The following CELF4 variants were observed in gnomAD, a reference collection of about 807,000 sequenced individuals.
CELF4 encodes the protein CUG-BP- and ETR-3-like factor 4.
CELF4 carries 18 observed loss-of-function variants against 59.9 expected under a neutral mutation model. The observed-to-expected ratio is 0.30, with a 90% CI of 0.21 to 0.45. The LOEUF is 0.45. CELF4 is among the 20% of genes least tolerant of loss of function. The pLI is 1.00. For missense variants in CELF4, 456 were observed against 689.0 expected (o/e 0.66, Z 3.79); for synonymous variants, 261 against 267.1 (o/e 0.98, Z 0.22).
chr18:37,310,213 G>A (rs1204874574), intron 3 of CELF4, among the ~76,000 whole-genome samples: 1 of 152,052 alleles, frequency 6.6e-6, no homozygotes, highest in African/African-American at 2.4e-5. Context: ...CAGCTCTCGG[G>A]GCAAGACAGC....
At chr18:37,368,529 T>G (rs1209045821) in intron 2 of CELF4, among the ~76,000 whole-genome samples, 1 of 152,230 alleles carries the variant, frequency 6.6e-6, no homozygotes, top group African/African-American at 2.4e-5. Flanking sequence ...CCGTCTTGTC[T>G]GCTGCTGTCT....
At chr18:37,271,254 CTTTTTTTTTT>C (rs34833771) in intron 7 of CELF4, among the ~76,000 whole-genome samples, 7 of 105,558 alleles carry the variant, frequency 6.6e-5, no homozygotes, top group East Asian at 2.7e-4. Flanking sequence ...TCCTTCAGTC[CTTTTTTTTTT>C]TTTTTTTTTT....
intron 3 of CELF4, among the ~76,000 whole-genome samples, chr18:37,315,832 T>G (rs548341621): frequency 1.3e-5 from 2 of 152,310 alleles, no homozygotes; most frequent in South Asian, 4.1e-4. Flanking sequence ...CTGCTGATCC[T>G]CTTCGGCCCA....
At chr18:37,264,513 C>T (rs2076459706) in intron 10 of CELF4, among the ~76,000 whole-genome samples, 161 bp downstream of exon 10, 2 of 152,354 alleles carry the variant, frequency 1.3e-5, no homozygotes, top group South Asian at 2.1e-4. Flanking sequence ...AGTTGGAGAG[C>T]GCCACTCCTC....
At chr18:37,293,565 T>C (rs766450287) in intron 3 of CELF4, among the ~76,000 whole-genome samples, 1 of 152,190 alleles carries the variant, frequency 6.6e-6, no homozygotes, top group Non-Finnish European at 1.5e-5. Flanking sequence ...TGTTCACAGG[T>C]TCTGGGTGGA....
chr18:37,360,054 T>C (rs563261326), intron 2 of CELF4, among the ~76,000 whole-genome samples: 4 of 151,480 alleles, frequency 2.6e-5, no homozygotes, highest in Admixed American at 2.0e-4. Flanking sequence ...GGTTTCACCA[T>C]GTTGGCCAGA....
chr18:37,258,916 G>T, intron 11 of CELF4: 1 of 538,078 alleles, frequency 1.9e-6, no homozygotes, highest in Non-Finnish European at 3.3e-6. Flanking sequence ...TGGGAGATGG[G>T]GAGCCAGGTT....
intron 2 of CELF4, among the ~76,000 whole-genome samples, chr18:37,453,951 C>T (rs1403503688): frequency 1.3e-5 from 2 of 152,140 alleles, no homozygotes; most frequent in East Asian, 3.9e-4. Flanking sequence ...CACCCCCGTC[C>T]TGTTTGATCT....
intron 2 of CELF4, among the ~76,000 whole-genome samples, chr18:37,414,106 G>A (rs1304356061): frequency 6.6e-6 from 1 of 152,122 alleles, no homozygotes; most frequent in Admixed American, 6.5e-5. Flanking sequence ...TAACCATGAA[G>A]GCAGGGCAGG....
Position 37,248,164 on chromosome 18 carries a change from G to A in CELF4, c.*45-2967C>T, listed in dbSNP as rs896464882. Among the ~76,000 whole-genome samples the A allele has an allele frequency of 8.8e-5, 13 of 148,366 alleles. No homozygotes were observed. In the East Asian group the frequency reaches 1.3e-3, roughly 15 times the overall value. ...ACTGTGGAGGTTATGGCCCTCCCCC[G>A]TTTCTGCTCCACCTCAAATTACTTT... On this transcript the variant is annotated intron_variant, in intron 12 of 12. Coordinates refer to ENST00000420428, the MANE Select transcript of CELF4 (RefSeq NM_020180.4).
At chr18:37,345,163 G>T (rs1401395791) in intron 2 of CELF4, among the ~76,000 whole-genome samples, 1 of 152,150 alleles carries the variant, frequency 6.6e-6, no homozygotes, top group Non-Finnish European at 1.5e-5. Flanking sequence ...CTATAAGGAT[G>T]GGTTTAATTA....
chr18:37,421,383 T>A (rs2099577050), intron 2 of CELF4, among the ~76,000 whole-genome samples: 1 of 152,212 alleles, frequency 6.6e-6, no homozygotes, highest in Non-Finnish European at 1.5e-5. Context: ...TGCAGCCTCC[T>A]TAAACACAGG....
intron 2 of CELF4, among the ~76,000 whole-genome samples, chr18:37,424,046 T>C (rs771010816): frequency 6.6e-6 from 1 of 151,964 alleles, no homozygotes; most frequent in Admixed American, 6.6e-5. Flanking sequence ...TCCTGCTCCA[T>C]GCACTTGGAA....
intron 1 of CELF4, among the ~76,000 whole-genome samples, chr18:37,527,651 G>A (rs1282182010): frequency 6.6e-6 from 1 of 152,170 alleles, no homozygotes; most frequent in African/African-American, 2.4e-5. Flanking sequence ...AGTCTGTGGG[G>A]TGATTTGGGG....
chr18:37,379,536 A>G (rs1423016466), intron 2 of CELF4, among the ~76,000 whole-genome samples: 1 of 125,582 alleles, frequency 8.0e-6, no homozygotes, highest in Non-Finnish European at 1.7e-5. Flanking sequence ...AAAAAAAGGT[A>G]CTATCCTTTG....
At chr18:37,379,414 C>T (rs1487157949) in intron 2 of CELF4, among the ~76,000 whole-genome samples, 1 of 143,232 alleles carries the variant, frequency 7.0e-6, no homozygotes, top group Non-Finnish European at 1.5e-5. Context: ...ATGATGCTGG[C>T]TGCCTTTTGT....
chr18:37,527,377 C>T (rs2099965095), intron 1 of CELF4, among the ~76,000 whole-genome samples: 1 of 152,028 alleles, frequency 6.6e-6, no homozygotes, highest in Non-Finnish European at 1.5e-5. Flanking sequence ...ACTGAACCCC[C>T]AAACCCTTTG....
At chr18:37,538,929 G>C (rs1050141602) in intron 1 of CELF4, among the ~76,000 whole-genome samples, 1 of 152,076 alleles carries the variant, frequency 6.6e-6, no homozygotes, top group Non-Finnish European at 1.5e-5. Context: ...CCTCACCCCA[G>C]CACCCCTCTC....
chr18:37,478,394 A>G (rs1467605887), intron 2 of CELF4, among the ~76,000 whole-genome samples: 1 of 152,250 alleles, frequency 6.6e-6, no homozygotes, highest in Non-Finnish European at 1.5e-5. Context: ...CTGCAGGCAC[A>G]GAGGTTCTCT....
Sources: gnomAD v4.1 joint callset for allele counts (sites outside exome capture counted in the v4.1 genomes callset) on GRCh38, gnomAD v4.1.1 for gene constraint, MANE v1.5 for transcripts, NCBI Gene and HGNC (gene_info 2026-07-23, HGNC 2026-07-21) for gene names.